LRRC8D: variants seen among roughly 807,000 people sequenced by gnomAD.
LRRC8D encodes the protein leucine rich repeat containing 8 VRAC subunit D.
LRRC8D carries 20 observed loss-of-function variants against 55.8 expected under a neutral mutation model. The ratio of observed to expected loss-of-function variants is 0.36; its 90% CI spans 0.25 to 0.52. The LOEUF (loss-of-function observed/expected upper bound fraction) is 0.52, where lower values mean the gene tolerates loss of function less well. Among genes scored for constraint, LRRC8D ranks in the 20% least tolerant of loss-of-function variants. LRRC8D has a pLI of 0.93. For missense variants in LRRC8D, 651 were observed against 1,030.8 expected (o/e 0.63, Z 5.05); for synonymous variants, 352 against 377.0 (o/e 0.93, Z 0.77).
intron 2 of LRRC8D, among the ~76,000 whole-genome samples, chr1:89,862,485 T>G (rs1570833486): frequency 6.6e-6 from 1 of 152,232 alleles, no homozygotes; most frequent in African/African-American, 2.4e-5. Flanking sequence ...TTGTTCTAGG[T>G]TAGGAATAAT....
intron 2 of LRRC8D, among the ~76,000 whole-genome samples, chr1:89,907,100 A>C (rs1663014005): frequency 6.7e-6 from 1 of 150,226 alleles, no homozygotes; most frequent in African/African-American, 2.5e-5. Flanking sequence ...GGCTATTTTC[A>C]TGTATCACGT....
intron 1 of LRRC8D, chr1:89,843,317 C>T (rs954584749): frequency 4.7e-6 from 1 of 211,788 alleles, no homozygotes; most frequent in African/African-American, 2.3e-5. Flanking sequence ...AGCGTGGAGT[C>T]CATTGATCTA....
At chr1:89,912,694 A>G (rs1663165810) in intron 2 of LRRC8D, among the ~76,000 whole-genome samples, 1 of 152,286 alleles carries the variant, frequency 6.6e-6, no homozygotes, top group East Asian at 1.9e-4. Context: ...ATGTTTGTTT[A>G]TAATATAATC....
At chr1:89,899,052 A>G (rs747466110) in intron 2 of LRRC8D, among the ~76,000 whole-genome samples, 1 of 152,222 alleles carries the variant, frequency 6.6e-6, no homozygotes, top group Non-Finnish European at 1.5e-5. Context: ...TGAGCTCTTC[A>G]GCTTCGGAAA....
chr1:89,846,478 G>A (rs1661284015), intron 2 of LRRC8D: 1 of 152,154 alleles, frequency 6.6e-6, no homozygotes, highest in South Asian at 2.1e-4. Context: ...GTTGGGACCT[G>A]AACAAGGTCT....
rs1350197527 is a variant in LRRC8D, at chr1:89,933,731, A to G, written c.663A>G (p.Ser221=). ...KALSETACED[S]EENKQRITGA... is the part of the protein sequence containing the mutation. ...TGTCTGAGACAGCATGCGAAGACTC[A>G]GAGGAAAACAAGCAGAGAATAACAG... is the stretch of plus-strand genomic sequence containing the variant. The change falls in exon 3 of 3, where the codon TCA becomes TCG. Residue 221 remains serine (S), a synonymous_variant. Coordinates refer to ENST00000337338, the MANE Select transcript of LRRC8D (RefSeq NM_001134479.2). This position sits in a 1 kb window ranked among gnomAD's most constrained non-coding sequence, Gnocchi z 7.0. 1 of 1,614,078 alleles carries G rather than the reference A, an allele frequency of 6.2e-7. No individual in the cohort carries two copies. Among genetic ancestry groups the G allele is most frequent in the Non-Finnish European group, 8.5e-7 (1 of 1,180,042 alleles).
In LRRC8D at chr1:89,843,696, C is replaced by T. The variant is rs1369253931; in HGVS notation, c.-89C>T. The T allele has an allele frequency of 8.5e-6, 6 of 702,236 alleles. No homozygotes were observed. Among genetic ancestry groups the T allele is most frequent in the Non-Finnish European group, 1.0e-5 (4 of 384,800 alleles). 43.5% of individuals were successfully genotyped at this position (702,236 alleles called of 1,614,324 possible). ...TCTCAGGATGGAGGAGTGAAGTCTCCTGTCGCCGTGGTTCCAGCCTCCGGA... is the reference window on the plus strand; with the variant it reads ...TCTCAGGATGGAGGAGTGAAGTCTCTTGTCGCCGTGGTTCCAGCCTCCGGA... On this transcript the variant is annotated 5_prime_UTR_variant, in exon 2 of 3. Coordinates refer to ENST00000337338, the MANE Select transcript of LRRC8D (RefSeq NM_001134479.2).
At chr1:89,832,347 A>G (rs563804200) in intron 1 of LRRC8D, among the ~76,000 whole-genome samples, 2 of 152,280 alleles carry the variant, frequency 1.3e-5, no homozygotes, top group African/African-American at 4.8e-5. Flanking sequence ...TGTTCCTGGA[A>G]TTTCAGCATT....
chr1:89,899,379 C>G (rs527437760), intron 2 of LRRC8D, among the ~76,000 whole-genome samples: 1 of 152,200 alleles, frequency 6.6e-6, no homozygotes, highest in African/African-American at 2.4e-5. Context: ...ACTTCTAGTT[C>G]GCCAGCCATT....
chr1:89,850,177 A>G (rs1661377343), intron 2 of LRRC8D, among the ~76,000 whole-genome samples: 1 of 152,152 alleles, frequency 6.6e-6, no homozygotes, highest in Non-Finnish European at 1.5e-5. Flanking sequence ...TACCCCTAGG[A>G]TGTCAGTGCA....
At chr1:89,896,802 T>C (rs114465295) in intron 2 of LRRC8D, among the ~76,000 whole-genome samples, 27 of 152,348 alleles carry the variant, frequency 1.8e-4, no homozygotes, top group Non-Finnish European at 2.5e-4. Flanking sequence ...TTGTGAATCA[T>C]AGTTGTTAAT....
chr1:89,879,563 T>G (rs949260116), intron 2 of LRRC8D, among the ~76,000 whole-genome samples: 1 of 152,250 alleles, frequency 6.6e-6, no homozygotes, highest in Non-Finnish European at 1.5e-5. Context: ...CTGGTAAATC[T>G]GTTGTGTTAC....
chr1:89,927,745 A>G (rs1186208749), intron 2 of LRRC8D, among the ~76,000 whole-genome samples: 3 of 152,210 alleles, frequency 2.0e-5, no homozygotes, highest in Non-Finnish European at 4.4e-5. Context: ...GGTGGATTTT[A>G]TAATTTCATA....
intron 2 of LRRC8D, among the ~76,000 whole-genome samples, chr1:89,846,296 A>G (rs535276623): frequency 6.6e-6 from 1 of 151,096 alleles, no homozygotes; most frequent in Admixed American, 6.6e-5. Flanking sequence ...TTCTGTTTAC[A>G]CAGTGTATAT....
At position 89,936,226 on chromosome 1, in the gene LRRC8D, T is replaced by C. The variant is rs538266337; in HGVS notation, c.*581T>C. ...ACCTCGTGTCATAGATTTTATACTC[T>C]TACAGACTTGGAATGCAGTAGAGGT... is the stretch of plus-strand genomic sequence containing the variant. On this transcript the variant is annotated 3_prime_UTR_variant, in exon 3 of 3. Transcript: ENST00000337338. 8 of 167,310 alleles carry C rather than the reference T, an allele frequency of 4.8e-5. No homozygotes were observed. Among genetic ancestry groups the C allele is most frequent in the African/African-American group, 1.4e-4 (6 of 41,576 alleles). 10.4% of individuals were successfully genotyped at this position (167,310 alleles called of 1,614,324 possible). A position where few individuals can be genotyped will look rare whatever the true frequency, so the allele number is the denominator to read the frequency against.
intron 2 of LRRC8D, among the ~76,000 whole-genome samples, chr1:89,924,041 C>T (rs1663490882): frequency 6.6e-6 from 1 of 152,100 alleles, no homozygotes; most frequent in Admixed American, 6.5e-5. Context: ...TGACTAAGTC[C>T]CCAAAGGCAA....
At chr1:89,843,392 C>T (rs1661185162) in intron 1 of LRRC8D, 3 of 312,394 alleles carry the variant, frequency 9.6e-6, no homozygotes, top group Non-Finnish European at 1.7e-5. Flanking sequence ...AGCGAGCGGG[C>T]GGGCGGGTGG....
At chr1:89,912,222 A>G (rs990236364) in intron 2 of LRRC8D, among the ~76,000 whole-genome samples, 4 of 151,972 alleles carry the variant, frequency 2.6e-5, no homozygotes. Context: ...CCTCCCTTCA[A>G]TCTTGCTTCT....
At chr1:89,927,102 C>G (rs991259287) in intron 2 of LRRC8D, among the ~76,000 whole-genome samples, 1 of 152,176 alleles carries the variant, frequency 6.6e-6, no homozygotes, top group African/African-American at 2.4e-5. Flanking sequence ...CTTTGTACTC[C>G]AGAGAAAGCA....
Sources: gnomAD v4.1 joint callset for allele counts (sites outside exome capture counted in the v4.1 genomes callset) on GRCh38, gnomAD v4.1.1 for gene constraint, Gnocchi (gnomAD v3.1) non-coding constraint, MANE v1.5 for transcripts, NCBI Gene and HGNC (gene_info 2026-07-23, HGNC 2026-07-21) for gene names.